The following NUP155 variants were observed in gnomAD, a reference collection of about 807,000 sequenced individuals.
The protein encoded by NUP155 is nucleoporin 155.
A neutral mutation model predicts 180.4 loss-of-function variants in NUP155; 71 were observed. The ratio of observed to expected loss-of-function variants is 0.39; its 90% confidence interval spans 0.33 to 0.48. The LOEUF (loss-of-function observed/expected upper bound fraction) is 0.48. Ranked by LOEUF, NUP155 falls within the 20% of genes least tolerant of loss-of-function variation. NUP155 has a pLI of 0.91. For missense variants in NUP155, 1,553 were observed against 1,648.9 expected (o/e 0.94, Z 1.01); for synonymous variants, 582 against 559.5 (o/e 1.04, Z -0.57).
At chr5:37,299,728 C>G (rs1742764850) in intron 30 of NUP155, among the ~76,000 whole-genome samples, 160 bp from the exon 31 acceptor site, 2 of 151,958 alleles carry the variant, frequency 1.3e-5, no homozygotes, top group Admixed American at 1.3e-4. Flanking sequence ...GGTTATAACT[C>G]CATATTTAAA....
intron 21 of NUP155, among the ~76,000 whole-genome samples, chr5:37,317,482 CTG>C (rs1449000476): frequency 6.6e-6 from 1 of 151,794 alleles, no homozygotes; most frequent in Non-Finnish European, 1.5e-5. Flanking sequence ...GAGTGAAACT[CTG>C]TCTCAGAAAC....
At chr5:37,325,100 G>A (rs1317628589) in intron 19 of NUP155, among the ~76,000 whole-genome samples, 3 of 152,132 alleles carry the variant, frequency 2.0e-5, no homozygotes, top group Admixed American at 6.6e-5. Context: ...ACGATGGGCC[G>A]AGATAATGCC....
At chr5:37,370,649 T>C in intron 1 of NUP155, 172 bp downstream of exon 1, 3 of 1,569,126 alleles carry the variant, frequency 1.9e-6, no homozygotes, top group Middle Eastern at 2.3e-4. Flanking sequence ...ATGAAGAAAG[T>C]GAGGAAAGGA....
At chr5:37,329,611 T>C (rs969782616) in intron 15 of NUP155, among the ~76,000 whole-genome samples, 2 of 152,236 alleles carry the variant, frequency 1.3e-5, no homozygotes, top group Non-Finnish European at 2.9e-5. Flanking sequence ...AAAACGTTTC[T>C]AACAAAATCA....
intron 6 of NUP155, 92 bp from the exon 7 acceptor site, chr5:37,350,357 C>G (rs929061027): frequency 1.2e-6 from 1 of 822,062 alleles, no homozygotes; most frequent in Admixed American, 2.1e-5. Flanking sequence ...ACCTTCAAAT[C>G]TTCATGAAAT....
intron 27 of NUP155, among the ~76,000 whole-genome samples, chr5:37,304,055 C>A (rs1378699373): frequency 6.6e-6 from 1 of 151,816 alleles, no homozygotes; most frequent in Non-Finnish European, 1.5e-5. Flanking sequence ...TGAGACCAGC[C>A]TGGCCAACAT....
At chr5:37,329,354 C>T (rs920707834) in intron 15 of NUP155, 76 bp from the exon 16 acceptor site, 1 of 1,147,318 alleles carries the variant, frequency 8.7e-7, no homozygotes, top group African/African-American at 1.5e-5. Flanking sequence ...TGTTCCTTTT[C>T]CTGTTTAGCT....
chr5:37,350,046 CT>C (rs1746357443), intron 7 of NUP155, 113 bp downstream of exon 7: 3 of 777,382 alleles, frequency 3.9e-6, no homozygotes, highest in Non-Finnish European at 6.9e-6. Context: ...ATAAGAAATG[CT>C]ACTTAACATA....
At chr5:37,360,481 T>A (rs1264875960) in intron 3 of NUP155, among the ~76,000 whole-genome samples, 1 of 141,784 alleles carries the variant, frequency 7.1e-6, no homozygotes, top group African/African-American at 2.7e-5. Flanking sequence ...TGAGACTCAG[T>A]CTCAAAAAAA....
chr5:37,307,733 C>T (rs762169822), intron 24 of NUP155, among the ~76,000 whole-genome samples: 1 of 151,750 alleles, frequency 6.6e-6, no homozygotes, highest in Non-Finnish European at 1.5e-5. Context: ...ACCAGCCTGA[C>T]CAACATGGTG....
At chr5:37,304,273 AGGG>A (rs1561769960) in intron 27 of NUP155, among the ~76,000 whole-genome samples, 6 of 82,674 alleles carry the variant, frequency 7.3e-5, no homozygotes, top group South Asian at 3.9e-4. Flanking sequence ...AAAAAAAAAA[AGGG>A]AAATTTACTA....
At chr5:37,333,815 T>G (rs573805929) in intron 12 of NUP155, among the ~76,000 whole-genome samples, 182 bp from the exon 13 acceptor site, 1 of 152,002 alleles carries the variant, frequency 6.6e-6, no homozygotes, top group African/African-American at 2.4e-5. Context: ...GGTTTTTGTT[T>G]TTTGTTTTTT....
At position 37,347,901 on chromosome 5, in the gene NUP155, T is replaced by G. The variant is rs542580747; in HGVS notation, c.995+604A>C. On this transcript the variant is annotated intron_variant, in intron 9 of 34. Transcript: ENST00000231498. ...CCTGTAATCCCAGCACTTTGGGAGG[T>G]TGAGGCGGGCGGATCACGAGGTCAA... Among the ~76,000 whole-genome samples the G allele has an allele frequency of 6.0e-5, 9 of 151,004 alleles. No individual in the cohort carries two copies. The South Asian group carries it at 1.1e-3, about 18-fold the overall frequency.
chr5:37,348,141 A>T (rs217777), intron 9 of NUP155, among the ~76,000 whole-genome samples: 13,210 of 151,876 alleles, frequency 0.087, 1,937 homozygotes, highest in African/African-American at 0.3. Context: ...TCTCAAAAAA[A>T]ATATATATAA....
chr5:37,356,418 G>A (rs1746835252), intron 4 of NUP155, among the ~76,000 whole-genome samples: 1 of 151,924 alleles, frequency 6.6e-6, no homozygotes, highest in Admixed American at 6.6e-5. Flanking sequence ...CGATGTGGGA[G>A]GATCACCTGA....
intron 22 of NUP155, among the ~76,000 whole-genome samples, chr5:37,312,645 C>T (rs537224077): frequency 1.3e-5 from 2 of 152,174 alleles, no homozygotes; most frequent in African/African-American, 2.4e-5. Context: ...CTAGGAGATA[C>T]GGTGAAACCC....
chr5:37,296,014 GC>G (rs537985917), intron 32 of NUP155, among the ~76,000 whole-genome samples: 2 of 138,876 alleles, frequency 1.4e-5, no homozygotes, highest in Admixed American at 7.0e-5. Flanking sequence ...GGGGGGGTCA[GC>G]CCCCCGCCCG....
At chr5:37,368,590 C>T (rs1439495892) in intron 1 of NUP155, among the ~76,000 whole-genome samples, 10 of 151,848 alleles carry the variant, frequency 6.6e-5, no homozygotes, top group Admixed American at 4.6e-4. Flanking sequence ...GAGGCCGAGG[C>T]GGGCGGATCA....
chr5:37,338,317 C>CAAAAAA (rs530524699), intron 11 of NUP155, among the ~76,000 whole-genome samples: 1 of 65,068 alleles, frequency 1.5e-5, no homozygotes, highest in African/African-American at 4.1e-5. Flanking sequence ...GATTCCGTCT[C>CAAAAAA]AAAAAAAAAA....
Sources: gnomAD v4.1 joint callset for allele counts (sites outside exome capture counted in the v4.1 genomes callset) on GRCh38, gnomAD v4.1.1 for gene constraint, MANE v1.5 for transcripts, NCBI Gene and HGNC (gene_info 2026-07-23, HGNC 2026-07-21) for gene names.